PPP1R13B: variants seen among roughly 807,000 people sequenced by gnomAD.
PPP1R13B encodes protein phosphatase 1 regulatory subunit 13B.
A neutral mutation model predicts 119.8 loss-of-function variants in PPP1R13B; 44 were observed. That is an observed-to-expected ratio of 0.37 (90% confidence interval 0.29 to 0.47). The LOEUF is 0.47. PPP1R13B is among the 20% of genes least tolerant of loss of function. The probability of loss-of-function intolerance (pLI) is 0.99; values close to 1 mark genes in which losing one functional copy is unlikely to be tolerated. For synonymous variants in PPP1R13B, 542 were observed against 561.5 expected, an observed-to-expected ratio of 0.97 and a Z score of 0.49; for missense variants, 1,227 against 1,413.5, an observed-to-expected ratio of 0.87 and a Z score of 2.12.
chr14:103,781,057 C>G (rs1441494692), intron 3 of PPP1R13B, among the ~76,000 whole-genome samples: 5 of 152,046 alleles, frequency 3.3e-5, no homozygotes, highest in African/African-American at 1.2e-4. Flanking sequence ...CTCACCTCAG[C>G]CTCCCAAAGT....
chr14:103,783,787 G>A (rs2085389924), intron 3 of PPP1R13B, among the ~76,000 whole-genome samples: 1 of 152,142 alleles, frequency 6.6e-6, no homozygotes, highest in South Asian at 2.1e-4. Context: ...CTTGGCTCAA[G>A]TGATCTGCCT....
At chr14:103,784,563 A>G in intron 3 of PPP1R13B, among the ~76,000 whole-genome samples, 1 of 133,484 alleles carries the variant, frequency 7.5e-6, no homozygotes, top group Admixed American at 8.3e-5. Flanking sequence ...AGCCTGGGCG[A>G]CAGAGTGAGA....
chr14:103,750,270 A>G (rs898789723), intron 7 of PPP1R13B, among the ~76,000 whole-genome samples: 1 of 152,224 alleles, frequency 6.6e-6, no homozygotes, highest in Non-Finnish European at 1.5e-5. Flanking sequence ...TTCAGGCCTG[A>G]GCCCACCACA....
intron 2 of PPP1R13B, 133 bp downstream of exon 2, chr14:103,797,238 A>G (rs558044362): frequency 1.2e-6 from 1 of 802,274 alleles, no homozygotes; most frequent in South Asian, 2.3e-5. Context: ...TTTGATAAAT[A>G]CTAAATTATA....
intron 2 of PPP1R13B, among the ~76,000 whole-genome samples, chr14:103,786,766 C>CAAAAAAAAAAA (rs1174732049): frequency 9.0e-5 from 4 of 44,598 alleles, no homozygotes; most frequent in African/African-American, 3.8e-4. Flanking sequence ...AACTCTGTCT[C>CAAAAAAAAAAA]AAAAAAAAAA....
intron 1 of PPP1R13B, chr14:103,818,384 G>C (rs1252915709): frequency 4.5e-6 from 3 of 668,530 alleles, no homozygotes; most frequent in Non-Finnish European, 5.5e-6. Context: ...CTGCATATGA[G>C]TTTTCATATT....
At chr14:103,749,378 A>C (rs576449884) in intron 8 of PPP1R13B, among the ~76,000 whole-genome samples, 7 of 152,270 alleles carry the variant, frequency 4.6e-5, no homozygotes, top group South Asian at 2.1e-4. Flanking sequence ...CCTTACAACA[A>C]CTCACGGGGC....
intron 1 of PPP1R13B, among the ~76,000 whole-genome samples, chr14:103,816,684 A>AG (rs1167421204): frequency 3.3e-5 from 5 of 151,910 alleles, no homozygotes; most frequent in African/African-American, 1.2e-4. Flanking sequence ...AAAAAAAAAA[A>AG]AAATTATTTC....
chr14:103,824,801 T>C (rs1439667190), intron 1 of PPP1R13B, among the ~76,000 whole-genome samples: 1 of 152,210 alleles, frequency 6.6e-6, no homozygotes, highest in Non-Finnish European at 1.5e-5. Context: ...TATGTCACTT[T>C]CTTTGTACTA....
rs544051050 is a variant in PPP1R13B at position 103,810,642 on chromosome 14, G to C, written c.10-13124C>G. Among the ~76,000 whole-genome samples the C allele has an allele frequency of 8.8e-4, 134 of 151,888 alleles. 3 individuals are homozygous for C. The East Asian group carries it at 0.021, about 23-fold the overall frequency. Reference sequence around the variant, plus strand: ...AAAACATTAGCTGGGCGTGGTGGTGGGCGCCTGTAGTCCCAGCTACTCGGG... The same window carrying C: ...AAAACATTAGCTGGGCGTGGTGGTGCGCGCCTGTAGTCCCAGCTACTCGGG... On this transcript the variant is annotated intron_variant, in intron 1 of 16. Transcript: ENST00000202556.
chr14:103,787,057 T>A (rs2085482605), intron 2 of PPP1R13B, among the ~76,000 whole-genome samples: 2 of 151,734 alleles, frequency 1.3e-5, no homozygotes. Flanking sequence ...GTTCACCATG[T>A]TGGCCAGGCT....
At chr14:103,755,297 C>T (rs952067401) in intron 5 of PPP1R13B, among the ~76,000 whole-genome samples, 1 of 152,204 alleles carries the variant, frequency 6.6e-6, no homozygotes, top group Non-Finnish European at 1.5e-5. Context: ...GAAATGAACA[C>T]TGACCAGCAG....
In PPP1R13B at chr14:103,847,483, G is replaced by A. The variant is rs1451606422; in HGVS notation, c.-176C>T. On this transcript the variant is annotated 5_prime_UTR_variant, in exon 1 of 17. Transcript: ENST00000202556. ...CGGGGCTCTCGCTGGCCCTGTCGCG[G>A]CCGCCGGCGCGCTGCGTCGCTGTCC... 4 of 986,494 alleles carry A rather than the reference G, an allele frequency of 4.1e-6. No homozygotes were observed. The highest frequency in any genetic ancestry group is 4.8e-6 in the Non-Finnish European group (4 of 831,666). 61.1% of individuals were successfully genotyped at this position (986,494 alleles called of 1,614,324 possible). A position where few individuals can be genotyped will look rare whatever the true frequency, so the allele number is the denominator to read the frequency against.
At chr14:103,794,328 GTTTTT>G in intron 2 of PPP1R13B, among the ~76,000 whole-genome samples, 1 of 140,688 alleles carries the variant, frequency 7.1e-6, no homozygotes, top group Admixed American at 7.2e-5. Flanking sequence ...TTTGTTTTTT[GTTTTT>G]TTTTTTTTTT....
At chr14:103,810,926 T>TA (rs35556963) in intron 1 of PPP1R13B, among the ~76,000 whole-genome samples, 40,881 of 133,088 alleles carry the variant, frequency 0.31, 6,227 homozygotes, top group Non-Finnish European at 0.36. Context: ...CCGTCTCTAC[T>TA]AAAAAAAAAA....
intron 1 of PPP1R13B, among the ~76,000 whole-genome samples, chr14:103,823,471 C>T (rs1355211610): frequency 1.3e-5 from 2 of 152,208 alleles, no homozygotes; most frequent in African/African-American, 2.4e-5. Context: ...TGTTCACATA[C>T]GACTTGCACA....
intron 2 of PPP1R13B, among the ~76,000 whole-genome samples, chr14:103,792,198 GTGTA>G (rs34545125): frequency 0.28 from 41,306 of 150,036 alleles, 6,099 homozygotes; most frequent in Non-Finnish European, 0.34. Context: ...GTGTGTGTGT[GTGTA>G]TATTTTTTTA....
At chr14:103,764,198 C>T (rs2368559) in intron 4 of PPP1R13B, 91,556 of 159,678 alleles carry the variant, frequency 0.57, 28,278 homozygotes, top group African/African-American at 0.84. Flanking sequence ...CCAAACTGTT[C>T]TCCAAAGCGA....
intron 2 of PPP1R13B, 104 bp from the exon 3 acceptor site, chr14:103,785,018 G>A (rs1396344488): frequency 1.0e-6 from 1 of 962,142 alleles, no homozygotes; most frequent in East Asian, 2.8e-5. Context: ...ACACATGTAT[G>A]TCTACATGTT....
Sources: gnomAD v4.1 joint callset for allele counts (sites outside exome capture counted in the v4.1 genomes callset) on GRCh38, gnomAD v4.1.1 for gene constraint, MANE v1.5 for transcripts, NCBI Gene and HGNC (gene_info 2026-07-23, HGNC 2026-07-21) for gene names.